GABRA5: variants seen among roughly 807,000 people sequenced by gnomAD.
The protein encoded by GABRA5 is gamma-aminobutyric acid receptor subunit alpha-5.
GABRA5 carries 18 observed loss-of-function variants against 47.3 expected under a neutral mutation model. That is an observed-to-expected ratio of 0.38 (90% confidence interval 0.26 to 0.56). The LOEUF is 0.56. Among genes scored for constraint, GABRA5 ranks in the 20% least tolerant of loss-of-function variants. The pLI is 0.71. For synonymous variants in GABRA5, 237 were observed against 229.3 expected (o/e 1.03, Z -0.30); for missense variants, 365 against 599.3 (o/e 0.61, Z 4.08).
In GABRA5 at chr15:26,868,709, C is replaced by T. The variant is rs1892387682; in HGVS notation, c.-139-20C>T. 1 of 153,322 alleles carries T rather than the reference C, an allele frequency of 6.5e-6. No individual in the cohort carries two copies. The highest frequency in any genetic ancestry group is 1.5e-5 in the Non-Finnish European group (1 of 68,786). 9.5% of individuals were successfully genotyped at this position (153,322 alleles called of 1,614,324 possible). A position where few individuals can be genotyped will look rare whatever the true frequency, so the allele number is the denominator to read the frequency against. ...TTCTTAAATGTGCTTTTCCCCACTTCTTTCCACGTACTTTCTCAGTGCCTT... is the reference window on the plus strand; with the variant it reads ...TTCTTAAATGTGCTTTTCCCCACTTTTTTCCACGTACTTTCTCAGTGCCTT... On this transcript the variant is annotated intron_variant, in intron 1 of 10. Coordinates refer to ENST00000335625, the MANE Select transcript of GABRA5 (RefSeq NM_000810.4).
rs111798012 is a variant in GABRA5 at position 26,911,371 on chromosome 15, GCACACA to G, written c.498-3411_498-3406del. On this transcript the variant is annotated intron_variant, in intron 6 of 10. Transcript: ENST00000335625. ...CTCCCTGCCCCCACCCTTGCTGCAT[GCACACA>G]CACACACACACACACACACAAACAC... 1.8e-4 allele frequency among the ~76,000 whole-genome samples: 21 copies of G among 118,406 alleles called. No homozygotes were observed. In the South Asian group the frequency reaches 2.5e-3, roughly 14 times the overall value. 77.7% of individuals were successfully genotyped at this position (118,406 alleles called of 152,430 possible).
Position 26,883,620 on chromosome 15 carries a change from C to A in GABRA5, c.497+63C>A. The A allele has an allele frequency of 1.5e-6, 2 of 1,303,090 alleles. No individual in the cohort carries two copies. The highest frequency in any genetic ancestry group is 2.6e-5 in the East Asian group (1 of 38,146). The allele number at this position is 1,303,090 out of a possible 1,614,324, so 80.7% of individuals were successfully genotyped here. A position where few individuals can be genotyped will look rare whatever the true frequency, so the allele number is the denominator to read the frequency against. On this transcript the variant is annotated intron_variant, in intron 6 of 10. Transcript: ENST00000335625. The surrounding 1 kb of genome is among the most constrained non-coding windows in gnomAD (Gnocchi z 4.8). ...GTGCGGGGCAGGCGCGGCTGCCCAT[C>A]CTGCCGCAAGAGCTGCGCCGCGGAG...
chr15:26,914,557 G>A (rs933882662), intron 6 of GABRA5, among the ~76,000 whole-genome samples: 12 of 152,188 alleles, frequency 7.9e-5, no homozygotes, highest in Non-Finnish European at 1.6e-4. Flanking sequence ...TTTACAAGCA[G>A]TAATATATGT....
intron 7 of GABRA5, among the ~76,000 whole-genome samples, chr15:26,933,039 C>T (rs915607872): frequency 2.0e-5 from 3 of 151,416 alleles, no homozygotes; most frequent in Non-Finnish European, 4.4e-5. Flanking sequence ...CAGCAAACCA[C>T]CATGGCACAT....
intron 6 of GABRA5, among the ~76,000 whole-genome samples, chr15:26,893,435 C>T (rs368013944): frequency 0.11 from 160 of 1,446 alleles, no homozygotes; most frequent in African/African-American, 0.18. Context: ...TGGTGTGTGG[C>T]GTGTGTGTGA....
intron 4 of GABRA5, among the ~76,000 whole-genome samples, chr15:26,882,212 C>T (rs944385823): frequency 6.6e-6 from 1 of 152,184 alleles, no homozygotes; most frequent in African/African-American, 2.4e-5. Flanking sequence ...GGTATTCTCT[C>T]ATCCTCTCTG....
At chr15:26,940,154 C>G (rs1283700411) in intron 9 of GABRA5, 77 bp downstream of exon 9, 1 of 1,285,028 alleles carries the variant, frequency 7.8e-7, no homozygotes, top group African/African-American at 1.5e-5. Context: ...CAGCAACAAC[C>G]TCCACGAAAC....
intron 4 of GABRA5, among the ~76,000 whole-genome samples, chr15:26,881,547 T>C (rs1423574050): frequency 3.9e-5 from 6 of 152,198 alleles, no homozygotes; most frequent in Non-Finnish European, 8.8e-5. Context: ...CACAGCTTCA[T>C]TGTTGTGCTA....
chr15:26,889,561 G>A (rs747740986), intron 6 of GABRA5, among the ~76,000 whole-genome samples: 1 of 152,120 alleles, frequency 6.6e-6, no homozygotes, highest in Non-Finnish European at 1.5e-5. Context: ...GCATTAATAG[G>A]TAACTTGGAT....
At chr15:26,898,858 G>T (rs1436190894) in intron 6 of GABRA5, among the ~76,000 whole-genome samples, 3 of 151,826 alleles carry the variant, frequency 2.0e-5, no homozygotes, top group Non-Finnish European at 2.9e-5. Context: ...GCTTTTGCTA[G>T]TCCCATAAGT....
intron 6 of GABRA5, among the ~76,000 whole-genome samples, chr15:26,908,662 T>C (rs1017567846): frequency 1.3e-5 from 2 of 152,222 alleles, no homozygotes; most frequent in Admixed American, 6.5e-5. Flanking sequence ...AGATACTGTG[T>C]TGATACTGAA....
intron 8 of GABRA5, 34 bp from the exon 9 acceptor site, chr15:26,939,891 G>A (rs773756749): frequency 6.2e-7 from 1 of 1,610,992 alleles, no homozygotes. Flanking sequence ...AGAGACTCTA[G>A]GGGACTGATG....
At chr15:26,937,935 G>A (rs572076416) in intron 8 of GABRA5, among the ~76,000 whole-genome samples, 54 of 152,356 alleles carry the variant, frequency 3.5e-4, no homozygotes, top group Admixed American at 3.5e-3. Flanking sequence ...GGAAGGCCCA[G>A]CCATAGAGGT....
At chr15:26,903,181 G>T (rs1246502003) in intron 6 of GABRA5, among the ~76,000 whole-genome samples, 2 of 151,978 alleles carry the variant, frequency 1.3e-5, no homozygotes, top group African/African-American at 4.8e-5. Context: ...TCATCATTTA[G>T]CTCCCACTTA....
At chr15:26,870,538 G>A (rs1892441456) in intron 3 of GABRA5, among the ~76,000 whole-genome samples, 1 of 152,240 alleles carries the variant, frequency 6.6e-6, no homozygotes, top group Non-Finnish European at 1.5e-5. Flanking sequence ...GGGAACAGGT[G>A]TGTGGCATGT....
intron 6 of GABRA5, among the ~76,000 whole-genome samples, chr15:26,911,355 C>T (rs1008780289): frequency 4.4e-5 from 6 of 137,112 alleles, no homozygotes; most frequent in Non-Finnish European, 7.8e-5. Context: ...CCTCCCTGCC[C>T]CCACCCTTGC....
intron 6 of GABRA5, among the ~76,000 whole-genome samples, chr15:26,889,366 C>T (rs1364298971): frequency 2.7e-5 from 4 of 150,692 alleles, no homozygotes; most frequent in Non-Finnish European, 4.4e-5. Context: ...CTCCTAGAGC[C>T]ACTGTCTTTT....
chr15:26,897,614 A>G (rs1324342576), intron 6 of GABRA5, among the ~76,000 whole-genome samples: 1 of 152,198 alleles, frequency 6.6e-6, no homozygotes. Flanking sequence ...CAAGGTGTCA[A>G]TCCATTTCTT....
At chr15:26,898,085 G>GA (rs1034598898) in intron 6 of GABRA5, among the ~76,000 whole-genome samples, 1 of 152,148 alleles carries the variant, frequency 6.6e-6, no homozygotes, top group Non-Finnish European at 1.5e-5. Context: ...TGCCGTGGTA[G>GA]AAAATAGAGC....
Sources: gnomAD v4.1 joint callset for allele counts (sites outside exome capture counted in the v4.1 genomes callset) on GRCh38, gnomAD v4.1.1 for gene constraint, Gnocchi (gnomAD v3.1) non-coding constraint, MANE v1.5 for transcripts, NCBI Gene and HGNC (gene_info 2026-07-23, HGNC 2026-07-21) for gene names.